LDHAL6A: variants seen among roughly 807,000 people sequenced by gnomAD.
LDHAL6A encodes the protein L-lactate dehydrogenase A-like 6A.
In LDHAL6A, 19 loss-of-function variants were observed where a neutral mutation model predicts 28.2. The ratio of observed to expected loss-of-function variants is 0.67; its 90% confidence interval spans 0.47 to 0.99. The LOEUF (loss-of-function observed/expected upper bound fraction) is 0.99, where lower values mean the gene tolerates loss of function less well. Ranked by LOEUF, LDHAL6A falls within the 50% of genes least tolerant of loss-of-function variation. LDHAL6A has a pLI of 0.00. For missense variants in LDHAL6A, 372 were observed against 398.6 expected (o/e 0.93, Z 0.57); for synonymous variants, 144 against 134.4 (o/e 1.07, Z -0.49).
At chr11:18,461,457 C>A (rs1590246471) in intron 1 of LDHAL6A, among the ~76,000 whole-genome samples, 1 of 152,106 alleles carries the variant, frequency 6.6e-6, no homozygotes, top group East Asian at 1.9e-4. Context: ...TCATTTACTT[C>A]TAAGCACTAA....
intron 3 of LDHAL6A, among the ~76,000 whole-genome samples, chr11:18,466,314 T>C (rs947972110): frequency 3.9e-5 from 6 of 152,062 alleles, no homozygotes; most frequent in African/African-American, 1.2e-4. Flanking sequence ...TAATATGTAC[T>C]TTGCACAGTG....
chr11:18,474,834 TA>T (rs535864240), intron 3 of LDHAL6A, among the ~76,000 whole-genome samples: 9 of 152,332 alleles, frequency 5.9e-5, no homozygotes, highest in Non-Finnish European at 4.4e-5. Flanking sequence ...CTGTCTCTAT[TA>T]AAAAAATAAT....
chr11:18,467,914 TATATAC>T (rs1335184365), intron 3 of LDHAL6A, among the ~76,000 whole-genome samples: 3,413 of 63,684 alleles, frequency 0.054, 305 homozygotes, highest in East Asian at 0.14. Flanking sequence ...TATATATATA[TATATAC>T]ACACACATAT....
intron 3 of LDHAL6A, chr11:18,469,339 A>C: frequency 2.3e-6 from 1 of 426,438 alleles, no homozygotes; most frequent in Non-Finnish European, 4.2e-6. Context: ...ATGATAACAA[A>C]TTAGGAAAAA....
At chr11:18,473,558 T>G (rs763623503) in intron 3 of LDHAL6A, among the ~76,000 whole-genome samples, 1 of 152,128 alleles carries the variant, frequency 6.6e-6, no homozygotes, top group Non-Finnish European at 1.5e-5. Context: ...GCCACCACAC[T>G]TGACTACTTT....
intron 3 of LDHAL6A, among the ~76,000 whole-genome samples, chr11:18,467,981 G>C (rs140900031): frequency 2.2e-5 from 1 of 45,324 alleles, no homozygotes; most frequent in African/African-American, 1.7e-4. Context: ...ATATATATAC[G>C]TATATATATG....
In LDHAL6A at chr11:18,456,736, A is replaced by G. The variant is rs747347776; in HGVS notation, c.56A>G (p.His19Arg). ...AATTTCGCGGAAGAGGAGGCCATTC[A>G]TCACAATAAGATCTCCATTGTAGGA... ...IKNFAEEEAI[H>R]HNKISIVGTG... Residue 19 changes from histidine (H) to arginine (R), a missense_variant, in exon 1 of 7, where the codon CAT (histidine) becomes CGT (arginine). Physicochemically the swap from His to Arg is conservative, Grantham distance 29 (BLOSUM62 0). Around this residue, in one of 3 missense-constraint regions of LDHAL6A, gnomAD observed 77 missense variants for 77.9 expected, o/e 0.99. Transcript: ENST00000280706. The G allele has an allele frequency of 7.4e-6, 12 of 1,613,762 alleles. No homozygotes were observed. Among genetic ancestry groups the G allele is most frequent in the Non-Finnish European group, 1.0e-5 (12 of 1,179,672 alleles).
At chr11:18,469,818 C>A (rs1271347728) in intron 3 of LDHAL6A, among the ~76,000 whole-genome samples, 1 of 152,146 alleles carries the variant, frequency 6.6e-6, no homozygotes, top group Non-Finnish European at 1.5e-5. Flanking sequence ...CAATTAACTT[C>A]ATTACTCTAA....
rs1849469091 is a variant in LDHAL6A at position 18,479,016 on chromosome 11, T to G, written c.*146T>G. 1 of 659,230 alleles carries G rather than the reference T, an allele frequency of 1.5e-6. No individual in the cohort carries two copies. Among genetic ancestry groups the G allele is most frequent in the Middle Eastern group, 4.5e-4 (1 of 2,220 alleles). The allele number at this position is 659,230 out of a possible 1,614,324, so 40.8% of individuals were successfully genotyped here. On this transcript the variant is annotated 3_prime_UTR_variant, in exon 7 of 7. Transcript: ENST00000280706. ...ATTTAGTATAGCCTTCCAGCTTTTTTTTTTTTCTTTTTTGGGAGGGTCTCA... is the reference window on the plus strand; with the variant it reads ...ATTTAGTATAGCCTTCCAGCTTTTTGTTTTTTCTTTTTTGGGAGGGTCTCA...
In LDHAL6A at chr11:18,478,988, C is replaced by T; in HGVS notation, c.*118C>T. ...GTTGGAAAAATAGAGGAAAGAGTGA[C>T]CTATTTAGTATAGCCTTCCAGCTTT... On this transcript the variant is annotated 3_prime_UTR_variant, in exon 7 of 7. Transcript: ENST00000280706. 3 of 880,816 alleles carry T rather than the reference C, an allele frequency of 3.4e-6. No individual in the cohort carries two copies. Among genetic ancestry groups the T allele is most frequent in the Non-Finnish European group, 5.2e-6 (3 of 576,050 alleles). The allele number at this position is 880,816 out of a possible 1,614,324, so 54.6% of individuals were successfully genotyped here.
rs144252776 is a variant in LDHAL6A, at chr11:18,475,074, C to G, written c.419-392C>G. On this transcript the variant is annotated intron_variant, in intron 3 of 6. Transcript: ENST00000280706. ...TGGCCAACATAGTGAAACCCCACCT[C>G]TACTAAAGATTACAGATGTGAGCCA... 237 of 164,444 alleles carry G rather than the reference C, an allele frequency of 1.4e-3. 1 individual carries two copies. Among genetic ancestry groups the G allele is most frequent in the African/African-American group, 5.0e-3 (210 of 41,690 alleles). The allele number at this position is 164,444 out of a possible 1,614,324, so 10.2% of individuals were successfully genotyped here.
intron 3 of LDHAL6A, among the ~76,000 whole-genome samples, chr11:18,471,897 C>A (rs1590258217): frequency 1.4e-5 from 2 of 143,752 alleles, no homozygotes; most frequent in Non-Finnish European, 3.0e-5. Flanking sequence ...GTTCCAGTAA[C>A]TATTTACATG....
chr11:18,466,742 G>C lies in LDHAL6A; in HGVS notation c.418+932G>C, dbSNP rs145490146. On this transcript the variant is annotated intron_variant, in intron 3 of 6. Transcript: ENST00000280706. ...GTTTATATTCTAAAGGCTGAGGTTT[G>C]TTTTCCAAATTACTGTTTGAGAAGT... Among the ~76,000 whole-genome samples, 346 of 151,510 alleles carry C rather than the reference G, an allele frequency of 2.3e-3. 1 individual carries two copies. The highest frequency in any genetic ancestry group is 3.6e-3 in the Admixed American group (55 of 15,220).
intron 3 of LDHAL6A, among the ~76,000 whole-genome samples, chr11:18,472,063 T>C (rs1849269090): frequency 6.6e-6 from 1 of 152,146 alleles, no homozygotes; most frequent in Admixed American, 6.5e-5. Flanking sequence ...GTCATTTACC[T>C]AGAAAATGCG....
intron 2 of LDHAL6A, 55 bp from the exon 3 acceptor site, chr11:18,465,582 T>G: frequency 6.8e-7 from 1 of 1,478,720 alleles, no homozygotes; most frequent in African/African-American, 1.4e-5. Context: ...GGAAGTATAC[T>G]TAAATGCCAG....
chr11:18,472,471 A>G (rs368705258), intron 3 of LDHAL6A, among the ~76,000 whole-genome samples: 2 of 152,214 alleles, frequency 1.3e-5, no homozygotes, highest in East Asian at 1.9e-4. Flanking sequence ...AGGACAAAAG[A>G]TGTCATCTTC....
chr11:18,467,444 C>T (rs998763814), intron 3 of LDHAL6A, among the ~76,000 whole-genome samples: 35 of 152,202 alleles, frequency 2.3e-4, no homozygotes, highest in Admixed American at 1.3e-4. Context: ...CATCTTCTTT[C>T]ATTTTTAACT....
At chr11:18,464,997 G>GTTTTTTTTTTT (rs1297634223) in intron 2 of LDHAL6A, among the ~76,000 whole-genome samples, 4 of 122,880 alleles carry the variant, frequency 3.3e-5, no homozygotes, top group African/African-American at 1.3e-4. Context: ...GTTTTGTTTT[G>GTTTTTTTTTTT]TTTTGGTTTG....
At chr11:18,461,118 G>A (rs112158387) in intron 1 of LDHAL6A, among the ~76,000 whole-genome samples, 23,112 of 151,200 alleles carry the variant, frequency 0.15, 2,027 homozygotes, top group African/African-American at 0.25. Context: ...GATTACATGC[G>A]TGAGCCACCG....
Sources: allele counts gnomAD v4.1 joint callset (sites outside exome capture counted in the v4.1 genomes callset), GRCh38; gene constraint gnomAD v4.1.1; regional missense constraint gnomAD v4.1.1; transcripts MANE v1.5; gene names NCBI Gene and HGNC (gene_info 2026-07-23, HGNC 2026-07-21).